ZSCAN5C: variants seen among roughly 807,000 people sequenced by gnomAD.
The protein encoded by ZSCAN5C is zinc finger and SCAN domain containing 5C.
ZSCAN5C carries 11 observed loss-of-function variants against 17.3 expected under a neutral mutation model. The observed-to-expected ratio is 0.64, with a 90% CI of 0.40 to 1.06. The LOEUF is 1.06. ZSCAN5C is among the 50% of genes least tolerant of loss of function. The pLI is 0.00. For synonymous variants in ZSCAN5C, 229 were observed against 208.4 expected, an observed-to-expected ratio of 1.10 and a Z score of -0.85; for missense variants, 698 against 538.9, an observed-to-expected ratio of 1.30 and a Z score of -2.92.
Position 56,206,304 on chromosome 19 carries a change from G to C in ZSCAN5C, c.384+7G>C, listed in dbSNP as rs772085463. ...CAGAAGACCCAAGAAATGGGTGAGTGGGACCCTCGTGATTGGTGCAGGGAA... is the reference window on the plus strand; with the variant it reads ...CAGAAGACCCAAGAAATGGGTGAGTCGGACCCTCGTGATTGGTGCAGGGAA... On this transcript the variant is annotated splice_region_variant and intron_variant, in intron 2 of 4. Transcript: ENST00000534327. The C allele has an allele frequency of 6.6e-7, 1 of 1,508,708 alleles. No individual in the cohort carries two copies. Among genetic ancestry groups the C allele is most frequent in the Non-Finnish European group, 8.9e-7 (1 of 1,120,822 alleles). The allele number at this position is 1,508,708 out of a possible 1,614,324, so 93.5% of individuals were successfully genotyped here. A position where few individuals can be genotyped will look rare whatever the true frequency, so the allele number is the denominator to read the frequency against.
rs192656793 is a variant in ZSCAN5C at position 56,206,653 on chromosome 19, A to T, written c.384+356A>T. ...TGTGAGGCCAACATGAAAGAAAGAC[A>T]TTGGTGAAATATTAGGCCTGATGGA... On this transcript the variant is annotated intron_variant, in intron 2 of 4. Transcript: ENST00000534327. 1.3e-4 allele frequency among the ~76,000 whole-genome samples: 20 copies of T among 151,878 alleles called. 1 individual carries two copies. Among genetic ancestry groups the T allele is most frequent in the African/African-American group, 4.4e-4 (18 of 41,246 alleles).
exon 5 of ZSCAN5C, chr19:56,208,870 T>C (rs2032956745): frequency 6.3e-7 from 1 of 1,585,132 alleles, no homozygotes; most frequent in South Asian, 1.1e-5. Context: ...TTCAGTGTAA[T>C]CTCTGCGGGA....
chr19:56,207,131 A>C, exon 3 of ZSCAN5C: 1 of 776,110 alleles, frequency 1.3e-6, no homozygotes, highest in Non-Finnish European at 2.4e-6. Context: ...AGCCCCCGCC[A>C]GTGTCAGAGA....
chr19:56,206,621 C>T (rs1281525223), intron 2 of ZSCAN5C, among the ~76,000 whole-genome samples: 1 of 151,750 alleles, frequency 6.6e-6, no homozygotes, highest in East Asian at 1.9e-4. Context: ...CAGGGACCCA[C>T]ACACTGTGTG....
chr19:56,209,357 C>T, downstream of ZSCAN5C: 1 of 493,882 alleles, frequency 2.0e-6, no homozygotes, highest in Non-Finnish European at 3.5e-6. Context: ...TTTTTCCTCC[C>T]CGGGGGAATT....
chr19:56,203,278 C>G (rs914236058), intron 1 of ZSCAN5C, among the ~76,000 whole-genome samples: 2 of 147,212 alleles, frequency 1.4e-5, no homozygotes, highest in African/African-American at 5.4e-5. Flanking sequence ...TATCCATATG[C>G]TTTTTCAAAA....
chr19:56,208,267 G>C (rs959860582), intron 4 of ZSCAN5C, 83 bp downstream of exon 4: 5 of 666,960 alleles, frequency 7.5e-6, no homozygotes, highest in Non-Finnish European at 1.4e-5. Context: ...TATCATGTCT[G>C]GGGGAGTTGG....
rs1357466468 is a variant in ZSCAN5C at position 56,207,521 on chromosome 19, G to T, written c.588+259G>T. Among the ~76,000 whole-genome samples, 12 of 151,664 alleles carry T rather than the reference G, an allele frequency of 7.9e-5. 1 individual carries two copies. Among genetic ancestry groups the T allele is most frequent in the East Asian group, 1.9e-4 (1 of 5,170 alleles). ...TCTCGGTGAAATAACGGAGGCAGTT[G>T]GCACAGATGAATGAACTGAAGGTCC... On this transcript the variant is annotated intron_variant, in intron 3 of 4. Transcript: ENST00000534327.
chr19:56,208,051 G>T, exon 4 of ZSCAN5C: 2 of 742,228 alleles, frequency 2.7e-6, no homozygotes, highest in South Asian at 2.8e-5. Context: ...ACTTCCTGCT[G>T]CCAGAGACTA....
intron 3 of ZSCAN5C, 118 bp from the exon 4 acceptor site, chr19:56,207,916 G>A (rs542483675): frequency 1.6e-6 from 1 of 613,608 alleles, no homozygotes; most frequent in African/African-American, 1.9e-5. Flanking sequence ...GAACCAAACA[G>A]TGAAAACCAC....
At chr19:56,203,480 AC>A (rs1198664264) in intron 1 of ZSCAN5C, among the ~76,000 whole-genome samples, 1 of 151,720 alleles carries the variant, frequency 6.6e-6, no homozygotes, top group Non-Finnish European at 1.5e-5. Flanking sequence ...TTCCAATTAT[AC>A]AATACATTGT....
At chr19:56,207,326 G>A (rs1428306227) in intron 3 of ZSCAN5C, 64 bp downstream of exon 3, 1 of 683,984 alleles carries the variant, frequency 1.5e-6, no homozygotes, top group Non-Finnish European at 2.7e-6. Context: ...AAATCGTGTG[G>A]CCACTGGACT....
exon 2 of ZSCAN5C, chr19:56,206,009 A>G: frequency 6.2e-7 from 1 of 1,609,764 alleles, no homozygotes; most frequent in Non-Finnish European, 8.5e-7. Context: ...CAGCAACTCA[A>G]CTTGGAAATC....
chr19:56,205,821 A>G lies in ZSCAN5C; in HGVS notation c.-93A>G, dbSNP rs1037069363. The G allele has an allele frequency of 4.8e-6, 3 of 618,866 alleles. 1 individual carries two copies. The African/African-American group carries it at 5.5e-5, about 11-fold the overall frequency. The allele number at this position is 618,866 out of a possible 1,614,324, so 38.3% of individuals were successfully genotyped here. ...TGAACAGTGAATCTATTACTGAGAAAAACCAGGGGTGGCCTGTGTATATAG... is the reference window on the plus strand; with the variant it reads ...TGAACAGTGAATCTATTACTGAGAAGAACCAGGGGTGGCCTGTGTATATAG... On this transcript the variant is annotated 5_prime_UTR_variant, in exon 2 of 5. Transcript: ENST00000534327.
At position 56,203,806 on chromosome 19, in the gene ZSCAN5C, A is replaced by G. The variant is rs986775775; in HGVS notation, c.-128+1484A>G. ...CTGGGATTACAGGCATGTGCCACCA[A>G]GCCTGGCTAATTTTGTATTTTTAGT... On this transcript the variant is annotated intron_variant, in intron 1 of 4. Coordinates refer to ENST00000534327, the Ensembl canonical transcript of ZSCAN5C. 6.1e-4 allele frequency among the ~76,000 whole-genome samples: 92 copies of G among 150,946 alleles called. 1 individual carries two copies. The highest frequency in any genetic ancestry group is 8.8e-5 in the Non-Finnish European group (6 of 67,842).
intron 1 of ZSCAN5C, among the ~76,000 whole-genome samples, chr19:56,203,358 G>C (rs144836169): frequency 6.6e-6 from 1 of 151,984 alleles, no homozygotes; most frequent in East Asian, 1.9e-4. Flanking sequence ...AATGTGCTTT[G>C]CAGGATAGAA....
chr19:56,206,007 C>A (rs749286446), exon 2 of ZSCAN5C: 1 of 1,609,022 alleles, frequency 6.2e-7, no homozygotes, highest in African/African-American at 1.3e-5. Flanking sequence ...CCCAGCAACT[C>A]AACTTGGAAA....
exon 4 of ZSCAN5C, chr19:56,208,179 G>T: frequency 1.3e-6 from 1 of 778,880 alleles, no homozygotes; most frequent in East Asian, 2.4e-5. Context: ...CTTCCAAACA[G>T]TCCCAGTAAG....
chr19:56,208,906 G>C (rs753422658), exon 5 of ZSCAN5C: 13 of 1,611,510 alleles, frequency 8.1e-6, no homozygotes, highest in South Asian at 1.1e-5. Flanking sequence ...GCATAGGCCT[G>C]CAATTTCACC....
Sources: gnomAD v4.1 joint callset for allele counts (sites outside exome capture counted in the v4.1 genomes callset) on GRCh38, gnomAD v4.1.1 for gene constraint, MANE v1.5 for transcripts, NCBI Gene and HGNC (gene_info 2026-07-23, HGNC 2026-07-21) for gene names.